Variants in PRKAG2 observed in about 807,000 individuals in gnomAD.
The protein encoded by PRKAG2 is 5'-AMP-activated protein kinase subunit gamma-2.
A neutral mutation model predicts 69.6 loss-of-function variants in PRKAG2; 26 were observed. That is an observed-to-expected ratio of 0.37 (90% CI 0.27 to 0.52). The LOEUF is 0.52. Among genes scored for constraint, PRKAG2 ranks in the 20% least tolerant of loss-of-function variants. The pLI, the probability that PRKAG2 is intolerant of heterozygous loss-of-function variation, is 0.90. For synonymous variants in PRKAG2, 293 were observed against 285.0 expected (o/e 1.03, Z -0.28); for missense variants, 557 against 740.0 (o/e 0.75, Z 2.87).
chr7:151,673,052 G>T (rs73481967), intron 4 of PRKAG2, among the ~76,000 whole-genome samples: 2 of 152,084 alleles, frequency 1.3e-5, no homozygotes, highest in Non-Finnish European at 2.9e-5. Flanking sequence ...TTACACTCGC[G>T]GGGAGGAAGC....
chr7:151,785,237 GC>G (rs1237174560), intron 2 of PRKAG2, among the ~76,000 whole-genome samples: 1 of 152,242 alleles, frequency 6.6e-6, no homozygotes, highest in Non-Finnish European at 1.5e-5. Flanking sequence ...CCTGGCTGTG[GC>G]CCCTGTGTCT....
At chr7:151,658,259 G>A (rs1273489608) in intron 4 of PRKAG2, among the ~76,000 whole-genome samples, 11 of 151,228 alleles carry the variant, frequency 7.3e-5, no homozygotes, top group South Asian at 6.2e-4. Flanking sequence ...AGGCTGAGGC[G>A]GGCGGATCAT....
chr7:151,709,568 A>G (rs1839211640), intron 3 of PRKAG2, among the ~76,000 whole-genome samples: 1 of 152,186 alleles, frequency 6.6e-6, no homozygotes, highest in Non-Finnish European at 1.5e-5. Context: ...TATTTGTGAC[A>G]TTCTGTAACA....
At chr7:151,747,563 A>AACC (rs1554579987) in intron 3 of PRKAG2, among the ~76,000 whole-genome samples, 2 of 151,096 alleles carry the variant, frequency 1.3e-5, no homozygotes, top group African/African-American at 2.4e-5. Context: ...TCTCAAAAAA[A>AACC]AACCAACCAA....
chr7:151,557,955 G>T (rs986886124), intron 15 of PRKAG2: 1 of 984,260 alleles, frequency 1.0e-6, no homozygotes, highest in Non-Finnish European at 1.2e-6. Context: ...CAAGTATCTG[G>T]CTAGGACATT....
At chr7:151,616,604 C>T (rs80078116) in intron 5 of PRKAG2, among the ~76,000 whole-genome samples, 24,387 of 152,194 alleles carry the variant, frequency 0.16, 2,393 homozygotes, top group African/African-American at 0.26. Context: ...AACACTGCCC[C>T]GTGGCAGGCT....
intron 1 of PRKAG2, among the ~76,000 whole-genome samples, chr7:151,829,728 T>C (rs915573387): frequency 1.3e-5 from 2 of 151,992 alleles, no homozygotes; most frequent in African/African-American, 4.8e-5. Context: ...ACAACATGGA[T>C]GAAACTTAAA....
chr7:151,689,459 C>A (rs1231562463), intron 3 of PRKAG2, among the ~76,000 whole-genome samples: 1 of 152,222 alleles, frequency 6.6e-6, no homozygotes, highest in East Asian at 1.9e-4. Context: ...CATTGTTCTA[C>A]CTGGCACGAT....
chr7:151,767,980 A>C (rs2075827045), intron 3 of PRKAG2, among the ~76,000 whole-genome samples: 1 of 152,184 alleles, frequency 6.6e-6, no homozygotes, highest in Admixed American at 6.5e-5. Flanking sequence ...GATCAAGGTG[A>C]GGTAGGGCAG....
intron 3 of PRKAG2, among the ~76,000 whole-genome samples, chr7:151,704,153 C>T (rs1014336078): frequency 7.9e-5 from 12 of 152,108 alleles, no homozygotes; most frequent in African/African-American, 2.7e-4. Context: ...ATAAGCTGGT[C>T]ACGGGGAATG....
chr7:151,666,235 G>A (rs545215293), intron 4 of PRKAG2, among the ~76,000 whole-genome samples: 2 of 152,314 alleles, frequency 1.3e-5, no homozygotes, highest in South Asian at 4.1e-4. Context: ...AACCTCCAAT[G>A]TGACTGTATT....
At chr7:151,709,168 T>C (rs1166184625) in intron 3 of PRKAG2, among the ~76,000 whole-genome samples, 4 of 152,138 alleles carry the variant, frequency 2.6e-5, no homozygotes, top group Non-Finnish European at 5.9e-5. Flanking sequence ...TGACATTGAG[T>C]GACACTGTGA....
chr7:151,597,590 C>A (rs1314283874), intron 5 of PRKAG2, among the ~76,000 whole-genome samples: 2 of 151,984 alleles, frequency 1.3e-5, no homozygotes, highest in South Asian at 2.1e-4. Flanking sequence ...AGGAAAAAAA[C>A]CCCAAATAAT....
At chr7:151,717,401 GGT>G (rs1796357796) in intron 3 of PRKAG2, among the ~76,000 whole-genome samples, 2 of 152,292 alleles carry the variant, frequency 1.3e-5, no homozygotes, top group Admixed American at 6.5e-5. Flanking sequence ...CTCCACTCAA[GGT>G]GACTGGGGTC....
intron 1 of PRKAG2, chr7:151,809,375 A>C (rs947183649): frequency 2.5e-6 from 1 of 398,450 alleles, no homozygotes; most frequent in Non-Finnish European, 5.1e-6. Context: ...GCCTCATTCC[A>C]GAGTTGTGGT....
intron 3 of PRKAG2, among the ~76,000 whole-genome samples, chr7:151,760,887 C>T (rs1156831353): frequency 4.6e-5 from 7 of 152,206 alleles, no homozygotes; most frequent in Non-Finnish European, 8.8e-5. Context: ...CATAGCTCCC[C>T]TGGGGCAAGG....
rs149166093 is a variant in PRKAG2, at chr7:151,587,819, T to C, written c.864+7526A>G. On this transcript the variant is annotated intron_variant, in intron 6 of 15. Transcript: ENST00000287878. ...TGGGATCCTCCAACAGAAAACGGCA[T>C]TATGCAAAAACTAAGGAAATCTGAA... is the stretch of plus-strand genomic sequence containing the variant. 6.9e-3 allele frequency among the ~76,000 whole-genome samples: 1,053 copies of C among 152,230 alleles called. 18 individuals carry two copies. The highest frequency in any genetic ancestry group is 0.024 in the African/African-American group (998 of 41,528).
intron 3 of PRKAG2, among the ~76,000 whole-genome samples, chr7:151,704,156 G>A (rs956786144): frequency 5.3e-5 from 8 of 152,234 alleles, no homozygotes; most frequent in Middle Eastern, 3.4e-3. Flanking sequence ...AGCTGGTCAC[G>A]GGGAATGGGA....
At chr7:151,682,554 T>C (rs932448166) in intron 3 of PRKAG2, among the ~76,000 whole-genome samples, 3 of 152,202 alleles carry the variant, frequency 2.0e-5, no homozygotes, top group East Asian at 3.8e-4. Context: ...TACTTTTAAA[T>C]AGACCAATGT....
Sources: allele counts gnomAD v4.1 joint callset (sites outside exome capture counted in the v4.1 genomes callset), GRCh38; gene constraint gnomAD v4.1.1; transcripts MANE v1.5; gene names NCBI Gene and HGNC (gene_info 2026-07-23, HGNC 2026-07-21).